The following DNAH10 variants were observed in gnomAD, a reference collection of about 807,000 sequenced individuals.
DNAH10 encodes dynein axonemal heavy chain 10.
DNAH10 carries 348 observed loss-of-function variants against 506.6 expected under a neutral mutation model. The ratio of observed to expected loss-of-function variants is 0.69; its 90% CI spans 0.63 to 0.75. DNAH10 has a LOEUF of 0.75. Among genes scored for constraint, DNAH10 ranks in the 30% least tolerant of loss-of-function variants. The probability of loss-of-function intolerance (pLI) is 0.00; values close to 1 mark genes in which losing one functional copy is unlikely to be tolerated. For missense variants in DNAH10, 5,179 were observed against 5,787.1 expected, an observed-to-expected ratio of 0.89 and a Z score of 3.41; for synonymous variants, 2,059 against 2,198.6, an observed-to-expected ratio of 0.94 and a Z score of 1.78.
chr12:123,927,055 CTTTTT>C (rs1333020693), intron 69 of DNAH10: 20 of 544,638 alleles, frequency 3.7e-5, no homozygotes, highest in South Asian at 1.4e-4. Context: ...TTTTTCTTTT[CTTTTT>C]GAGACAGGGT....
chr12:123,934,260 T>G, intron 77 of DNAH10: 1 of 698,046 alleles, frequency 1.4e-6, no homozygotes. Flanking sequence ...GTAGCTGGGG[T>G]TGCCATGGTG....
chr12:123,833,136 C>T lies in DNAH10; in HGVS notation c.4568C>T (p.Thr1523Met), dbSNP rs149968261. 6.5e-5 allele frequency: 105 copies of T among 1,612,186 alleles called. No homozygotes were observed. Among genetic ancestry groups the T allele is most frequent in the African/African-American group, 6.3e-4 (47 of 75,002 alleles). Residue 1523 changes from threonine (T) to methionine (M), a missense_variant, in exon 27 of 79, where the codon ACG becomes ATG. Coordinates refer to ENST00000673944, the MANE Select transcript of DNAH10 (RefSeq NM_001372106.1). ...CAGGCTGTGAAGGAAATCCTAGACA[C>T]GTGGGAAAATATGAAATTCACTGTA... is the stretch of plus-strand genomic sequence containing the variant. ...IEKAVKEILD[T>M]WENMKFTVVK... is the part of the protein sequence containing the mutation.
chr12:123,842,869 G>A (rs564982455), intron 30 of DNAH10, among the ~76,000 whole-genome samples: 1 of 152,342 alleles, frequency 6.6e-6, no homozygotes, highest in African/African-American at 2.4e-5. Context: ...GTGACAGGAG[G>A]TGGCCCTAGC....
intron 24 of DNAH10, among the ~76,000 whole-genome samples, chr12:123,823,357 G>A (rs560928864): frequency 2.0e-4 from 31 of 152,310 alleles, no homozygotes; most frequent in Middle Eastern, 3.4e-3. Context: ...GGAGGCAGCC[G>A]GGGGATTGCA....
At chr12:123,835,671 C>T in intron 28 of DNAH10, 143 bp downstream of exon 28, 2 of 1,267,340 alleles carry the variant, frequency 1.6e-6, no homozygotes, top group Non-Finnish European at 2.1e-6. Flanking sequence ...GTTGCCCAGG[C>T]TGGAGTGCAG....
chr12:123,931,191 G>A (rs1955188914), intron 73 of DNAH10, 150 bp from the exon 74 acceptor site: 1 of 1,138,096 alleles, frequency 8.8e-7, no homozygotes, highest in African/African-American at 1.6e-5. Flanking sequence ...CTTCAGCCTG[G>A]GTGACTAAGA....
intron 39 of DNAH10, among the ~76,000 whole-genome samples, chr12:123,861,527 G>A (rs1483216472): frequency 6.6e-6 from 1 of 152,334 alleles, no homozygotes; most frequent in East Asian, 1.9e-4. Context: ...TGATCACCAC[G>A]TTCTATGGCA....
At chr12:123,796,011 A>G (rs1286562917) in intron 12 of DNAH10, among the ~76,000 whole-genome samples, 4 of 152,172 alleles carry the variant, frequency 2.6e-5, no homozygotes, top group Non-Finnish European at 5.9e-5. Context: ...TGCAAAAACT[A>G]AAAACTAAAA....
intron 38 of DNAH10, 37 bp downstream of exon 38, chr12:123,859,305 C>T (rs907322411): frequency 4.1e-6 from 6 of 1,472,602 alleles, no homozygotes; most frequent in Non-Finnish European, 5.5e-6. Flanking sequence ...CTGGCTGCCA[C>T]AGGGGCTCAC....
At position 123,929,660 on chromosome 12, in the gene DNAH10, C is replaced by A; in HGVS notation, c.12517-4C>A. On this transcript the variant is annotated splice_region_variant and splice_polypyrimidine_tract_variant and intron_variant, in intron 71 of 78. Transcript: ENST00000673944. ...TATAACTGAGCGTGTTCTCTTCTTT[C>A]AAGGTCTGCATGGAAATTCTGAACA... The A allele has an allele frequency of 6.2e-7, 1 of 1,611,986 alleles. No homozygotes were observed. The highest frequency in any genetic ancestry group is 8.5e-7 in the Non-Finnish European group (1 of 1,179,002).
In DNAH10 at chr12:123,783,173, C is replaced by G; in HGVS notation, c.908C>G (p.Pro303Arg). 6.2e-7 allele frequency: 1 copy of G among 1,614,116 alleles called. No individual in the cohort carries two copies. The highest frequency in any genetic ancestry group is 1.7e-5 in the Admixed American group (1 of 60,008). Residue 303 changes from proline (P) to arginine (R), a missense_variant, in exon 7 of 79, where the codon CCG becomes CGG. Around this residue, in one of 3 missense-constraint regions of DNAH10, gnomAD observed 4,844 missense variants for 5,430.5 expected, o/e 0.89. Coordinates refer to ENST00000673944, the MANE Select transcript of DNAH10 (RefSeq NM_001372106.1). ...GAGGTGTCTGACCTGGCAGCTGACC[C>G]GGAAACCGTTGACATCTTGGAGCAG... is the stretch of plus-strand genomic sequence containing the variant. ...EGEVSDLAAD[P>R]ETVDILEQCV...
chr12:123,800,697 A>G (rs1057405187), intron 15 of DNAH10, among the ~76,000 whole-genome samples: 12 of 151,322 alleles, frequency 7.9e-5, no homozygotes, highest in Non-Finnish European at 1.5e-4. Context: ...AAAAAAAAAG[A>G]AGAAAAAAAA....
chr12:123,852,428 T>C (rs1951210946), intron 35 of DNAH10, among the ~76,000 whole-genome samples: 1 of 152,240 alleles, frequency 6.6e-6, no homozygotes, highest in African/African-American at 2.4e-5. Context: ...TGGTGCCTAT[T>C]ACCGTGTCAG....
In DNAH10 at chr12:123,917,721, C is replaced by A. The variant is rs866198099; in HGVS notation, c.11140C>A (p.Leu3714Ile). The change falls in exon 64 of 79, where the codon CTC (leucine) becomes ATC (isoleucine). Residue 3714 changes from leucine to isoleucine, a missense_variant. Coordinates refer to ENST00000673944, the MANE Select transcript of DNAH10 (RefSeq NM_001372106.1). The surrounding 1 kb of genome is among the most constrained non-coding windows in gnomAD (Gnocchi z 5.6). Reference protein sequence around the residue: ...KNLLKDLEDSLLRELATSTGN... With the variant: ...KNLLKDLEDSILRELATSTGN... ...CCTGCTCAAGGACCTGGAAGATTCC[C>A]TCCTTCGGGAGCTGGCCACGTCCAC... 3 of 1,564,832 alleles carry A rather than the reference C, an allele frequency of 1.9e-6. No individual in the cohort carries two copies. Among genetic ancestry groups the A allele is most frequent in the East Asian group, 2.4e-5 (1 of 41,728 alleles).
rs1961413627 is a variant in DNAH10, at chr12:123,838,437, G to C, written c.4903-19G>C. ...TCCCTGCTCACCCTGCTTGACGGCT[G>C]TCCTCTGTTCTGGTCCAGATCATGG... On this transcript the variant is annotated intron_variant, in intron 28 of 78. Transcript: ENST00000673944. The C allele has an allele frequency of 6.2e-7, 1 of 1,603,160 alleles. No individual in the cohort carries two copies. The highest frequency in any genetic ancestry group is 8.5e-7 in the Non-Finnish European group (1 of 1,173,566).
chr12:123,861,453 G>T (rs1410760039), intron 39 of DNAH10, among the ~76,000 whole-genome samples: 5 of 152,254 alleles, frequency 3.3e-5, no homozygotes, highest in African/African-American at 1.2e-4. Flanking sequence ...GTGGCCCAAG[G>T]CCAGGGATTT....
Position 123,867,480 on chromosome 12 carries a change from A to G in DNAH10, c.7181A>G (p.Asn2394Ser). 4 of 1,613,512 alleles carry G rather than the reference A, an allele frequency of 2.5e-6. No homozygotes were observed. The highest frequency in any genetic ancestry group is 3.4e-6 in the Non-Finnish European group (4 of 1,179,712). ...ACTTTTTTATAGGTGGAGCAATACA[A>G]TTTGAATAGTCTCTTTGAGAAGTAT... ...NQIPNKVEQY[N>S]LNSLFEKYVP... The change falls in exon 42 of 79, where the codon AAT becomes AGT. Residue 2394 changes from asparagine (N) to serine (S), a missense_variant. Asn to Ser is a conservative substitution (Grantham distance 46, BLOSUM62 1). Around this residue, in one of 3 missense-constraint regions of DNAH10, gnomAD observed 4,844 missense variants for 5,430.5 expected, o/e 0.89. Transcript: ENST00000673944.
In DNAH10 at chr12:123,916,298, G is replaced by A. The variant is rs1160507895; in HGVS notation, c.10723-159G>A. The stretch of plus-strand genomic sequence containing the variant: ...CTGCCCTGAGCCTGGACCTCATGGT[G>A]TATATGCGTTATACCCCTTGCTTCT... On this transcript the variant is annotated intron_variant, in intron 62 of 78. Coordinates refer to ENST00000673944, the MANE Select transcript of DNAH10 (RefSeq NM_001372106.1). This position sits in a 1 kb window ranked among gnomAD's most constrained non-coding sequence, Gnocchi z 4.6. Among the ~76,000 whole-genome samples, 1 of 152,130 alleles carries A rather than the reference G, an allele frequency of 6.6e-6. No individual in the cohort carries two copies. Among genetic ancestry groups the A allele is most frequent in the Non-Finnish European group, 1.5e-5 (1 of 68,018 alleles).
rs149357014 is a variant in DNAH10 at position 123,917,109 on chromosome 12, A to G, written c.11002+373A>G. ...ATAGAAATGGGATGTTATCTCTTACATTCTCTAGGGCTGTCATGCTCCTGC... is the reference window on the plus strand; with the variant it reads ...ATAGAAATGGGATGTTATCTCTTACGTTCTCTAGGGCTGTCATGCTCCTGC... On this transcript the variant is annotated intron_variant, in intron 63 of 78. Transcript: ENST00000673944. This position sits in a 1 kb window ranked among gnomAD's most constrained non-coding sequence, Gnocchi z 5.6. 6.6e-6 allele frequency among the ~76,000 whole-genome samples: 1 copy of G among 152,112 alleles called. No homozygotes were observed. Among genetic ancestry groups the G allele is most frequent in the Non-Finnish European group, 1.5e-5 (1 of 67,982 alleles).
Sources: allele counts gnomAD v4.1 joint callset (sites outside exome capture counted in the v4.1 genomes callset), GRCh38; gene constraint gnomAD v4.1.1; regional missense constraint gnomAD v4.1.1; non-coding constraint Gnocchi (gnomAD v3.1); transcripts MANE v1.5; gene names NCBI Gene and HGNC (gene_info 2026-07-23, HGNC 2026-07-21).